RAD51B: variants seen among roughly 807,000 people sequenced by gnomAD.
The protein encoded by RAD51B is DNA repair protein RAD51 homolog 2.
A neutral mutation model predicts 42.2 loss-of-function variants in RAD51B; 38 were observed. That is an observed-to-expected ratio of 0.90 (90% CI 0.70 to 1.18). The LOEUF (loss-of-function observed/expected upper bound fraction) is 1.18, where lower values mean the gene tolerates loss of function less well. RAD51B is among the 50% of genes most tolerant of loss of function. The pLI, the probability that RAD51B is intolerant of heterozygous loss-of-function variation, is 0.00. For missense variants in RAD51B, 373 were observed against 400.7 expected, an observed-to-expected ratio of 0.93 and a Z score of 0.59; for synonymous variants, 154 against 145.2, an observed-to-expected ratio of 1.06 and a Z score of -0.43.
chr14:68,597,663 G>A (rs111879892), downstream of RAD51B, among the ~76,000 whole-genome samples: 2,068 of 152,178 alleles, frequency 0.014, 48 homozygotes, highest in African/African-American at 0.047. Context: ...AGAAGAGGAG[G>A]GAGAGGAGCA....
intron 7 of RAD51B, among the ~76,000 whole-genome samples, chr14:67,979,237 T>C (rs1362931877): frequency 6.6e-6 from 1 of 152,238 alleles, no homozygotes; most frequent in East Asian, 1.9e-4. Context: ...AATGCAATTG[T>C]AATGTGTATA....
At chr14:68,643,279 C>A (rs562801367) in intron 10 of RAD51B, among the ~76,000 whole-genome samples, 1 of 152,216 alleles carries the variant, frequency 6.6e-6, no homozygotes, top group African/African-American at 2.4e-5. Context: ...TCCCTGATAA[C>A]TTTCCTTGGT....
At chr14:67,893,196 A>G (rs894847223) in intron 7 of RAD51B, among the ~76,000 whole-genome samples, 7 of 152,100 alleles carry the variant, frequency 4.6e-5, no homozygotes, top group Admixed American at 3.9e-4. Flanking sequence ...GTCTTAATAC[A>G]TTGGCTTTGA....
chr14:68,015,330 T>A (rs1317710988), intron 7 of RAD51B, among the ~76,000 whole-genome samples: 1 of 152,140 alleles, frequency 6.6e-6, no homozygotes, highest in African/African-American at 2.4e-5. Flanking sequence ...TCAGGAGATA[T>A]GAATATTATA....
At chr14:67,916,074 A>G (rs901930667) in intron 7 of RAD51B, among the ~76,000 whole-genome samples, 1 of 152,174 alleles carries the variant, frequency 6.6e-6, no homozygotes, top group African/African-American at 2.4e-5. Flanking sequence ...TACATATTCT[A>G]TTAGGGGGTC....
At chr14:68,169,538 T>C (rs2078825171) in intron 7 of RAD51B, among the ~76,000 whole-genome samples, 1 of 152,226 alleles carries the variant, frequency 6.6e-6, no homozygotes, top group African/African-American at 2.4e-5. Context: ...TTTGAACTTT[T>C]AAATATATTT....
intron 7 of RAD51B, among the ~76,000 whole-genome samples, chr14:68,211,565 T>A (rs2079708812): frequency 6.6e-6 from 1 of 152,240 alleles, no homozygotes; most frequent in Non-Finnish European, 1.5e-5. Context: ...TGAATTATAT[T>A]ATAGATTGTA....
At chr14:67,822,966 G>A (rs35588855) in intron 1 of RAD51B, among the ~76,000 whole-genome samples, 3,972 of 152,144 alleles carry the variant, frequency 0.026, 90 homozygotes, top group African/African-American at 0.062. Context: ...ACTTTTCCAG[G>A]CTTTAGTTTT....
chr14:67,951,895 C>G (rs765428761), intron 7 of RAD51B, among the ~76,000 whole-genome samples: 1 of 152,076 alleles, frequency 6.6e-6, no homozygotes, highest in Non-Finnish European at 1.5e-5. Flanking sequence ...GGAAACATTC[C>G]TGGACCTCCT....
rs574584615 is a variant in RAD51B at position 68,543,572 on chromosome 14, G to C, written c.1037-50913G>C. Among the ~76,000 whole-genome samples, 3 of 152,298 alleles carry C rather than the reference G, an allele frequency of 2.0e-5. No individual in the cohort carries two copies. The South Asian group carries it at 6.2e-4, about 32-fold the overall frequency. ...ATTATATAAAAATACAAATTAATGA[G>C]ATGGAAGGATTTGTCTTGAGTTGGA... is the stretch of plus-strand genomic sequence containing the variant. On this transcript the variant is annotated intron_variant, in intron 10 of 10. Transcript: ENST00000487270.
At chr14:68,160,426 T>C (rs1204050382) in intron 7 of RAD51B, among the ~76,000 whole-genome samples, 3 of 152,216 alleles carry the variant, frequency 2.0e-5, no homozygotes, top group Non-Finnish European at 4.4e-5. Flanking sequence ...TCTTTGATGC[T>C]ATTTGTGAAC....
At chr14:68,332,534 A>G (rs1041158473) in intron 8 of RAD51B, among the ~76,000 whole-genome samples, 2 of 152,194 alleles carry the variant, frequency 1.3e-5, no homozygotes, top group African/African-American at 4.8e-5. Flanking sequence ...AAAGTTTGGG[A>G]CAGCACCATG....
chr14:67,912,708 GTT>G (rs775992140), intron 7 of RAD51B, among the ~76,000 whole-genome samples: 2 of 143,966 alleles, frequency 1.4e-5, no homozygotes, highest in Non-Finnish European at 1.5e-5. Flanking sequence ...ACTTCTCTAA[GTT>G]TTTTTTTTTT....
rs1156621815 is a variant in RAD51B, at chr14:68,326,027, C to CTTTTTTTTTTTTTTTT, written c.853+34052_853+34053insTTTTTTTTTTTTTTTT. On this transcript the variant is annotated intron_variant, in intron 8 of 10. Coordinates refer to ENST00000471583, the MANE Select transcript of RAD51B (RefSeq NM_133510.4). The stretch of plus-strand genomic sequence containing the variant: ...ATACTAATTGAATAATGTTGTTATT[C>CTTTTTTTTTTTTTTTT]TTTTTCTTTTCTTTTTTTTTTTTTT... Among the ~76,000 whole-genome samples, 3 of 51,636 alleles carry CTTTTTTTTTTTTTTTT rather than the reference C, an allele frequency of 5.8e-5. 1 individual carries two copies. Among genetic ancestry groups the CTTTTTTTTTTTTTTTT allele is most frequent in the Non-Finnish European group, 8.5e-5 (2 of 23,512 alleles). 33.9% of individuals were successfully genotyped at this position (51,636 alleles called of 152,430 possible).
intron 9 of RAD51B, among the ~76,000 whole-genome samples, chr14:68,435,733 G>T (rs2085132791): frequency 6.6e-6 from 1 of 151,830 alleles, no homozygotes; most frequent in Admixed American, 6.6e-5. Context: ...GGTGTGAGAT[G>T]GTATCTCATT....
intron 10 of RAD51B, among the ~76,000 whole-genome samples, chr14:68,569,654 C>T (rs915587028): frequency 4.6e-5 from 7 of 152,192 alleles, no homozygotes; most frequent in Admixed American, 3.9e-4. Context: ...GGCAAGATGC[C>T]GAACGTCCCT....
At chr14:68,529,596 A>G (rs995358432) in intron 10 of RAD51B, among the ~76,000 whole-genome samples, 9 of 152,226 alleles carry the variant, frequency 5.9e-5, no homozygotes, top group Non-Finnish European at 1.3e-4. Context: ...TAAGGGAGAG[A>G]TCACTAACAC....
intron 3 of RAD51B, among the ~76,000 whole-genome samples, chr14:67,826,447 A>G (rs562329593): frequency 1.3e-5 from 2 of 152,346 alleles, no homozygotes; most frequent in East Asian, 1.9e-4. Flanking sequence ...GATTTGGAGC[A>G]TGATAGAAAT....
intron 10 of RAD51B, among the ~76,000 whole-genome samples, chr14:68,574,272 G>A (rs147929261): frequency 2.6e-5 from 4 of 152,026 alleles, no homozygotes; most frequent in Non-Finnish European, 4.4e-5. Flanking sequence ...TTGGCTGCAC[G>A]CACCAGCATC....
Sources: gnomAD v4.1 joint callset for allele counts (sites outside exome capture counted in the v4.1 genomes callset) on GRCh38, gnomAD v4.1.1 for gene constraint, MANE v1.5 for transcripts, NCBI Gene and HGNC (gene_info 2026-07-23, HGNC 2026-07-21) for gene names.